Variants in VOPP1 observed in about 807,000 individuals in gnomAD.
VOPP1 encodes the protein WW domain binding protein VOPP1.
In VOPP1, 8 loss-of-function variants were observed where a neutral mutation model predicts 23.5. The observed-to-expected ratio is 0.34, with a 90% CI of 0.20 to 0.61. The LOEUF is 0.61. VOPP1 is among the 20% of genes least tolerant of loss of function. The probability of loss-of-function intolerance (pLI) is 0.78; values close to 1 mark genes in which losing one functional copy is unlikely to be tolerated. For missense variants in VOPP1, 174 were observed against 238.1 expected (o/e 0.73, Z 1.77); for synonymous variants, 83 against 97.3 (o/e 0.85, Z 0.86).
At chr7:55,523,119 C>T (rs961452570) in intron 1 of VOPP1, among the ~76,000 whole-genome samples, 2 of 152,168 alleles carry the variant, frequency 1.3e-5, no homozygotes, top group Non-Finnish European at 2.9e-5. Context: ...CTTCTGGACT[C>T]ACGAGAGCTC....
chr7:55,552,722 G>C (rs1797661138), intron 1 of VOPP1: 1 of 1,535,410 alleles, frequency 6.5e-7, no homozygotes, highest in Non-Finnish European at 8.7e-7. Flanking sequence ...GAAGGCAGGA[G>C]TCTGGTCGCC....
At chr7:55,516,932 ATTTTTTTTTTTTTT>A (rs71031862) in intron 2 of VOPP1, among the ~76,000 whole-genome samples, 1,779 of 44,280 alleles carry the variant, frequency 0.04, 12 homozygotes, top group Non-Finnish European at 0.052. Context: ...ATATATATAT[ATTTTTTTTTTTTTT>A]TTTTTTTTTT....
chr7:55,565,091 A>C (rs1482211092), intron 1 of VOPP1, among the ~76,000 whole-genome samples: 1 of 152,134 alleles, frequency 6.6e-6, no homozygotes, highest in Non-Finnish European at 1.5e-5. Flanking sequence ...AATTTTATAT[A>C]TATATGTATT....
chr7:55,502,198 A>G (rs1454451134), intron 2 of VOPP1, among the ~76,000 whole-genome samples: 2 of 152,240 alleles, frequency 1.3e-5, no homozygotes, highest in Non-Finnish European at 2.9e-5. Context: ...ACATATGTAG[A>G]GCCCTCGTCC....
At chr7:55,468,718 G>A (rs917777888), downstream of VOPP1, among the ~76,000 whole-genome samples, 1 of 152,250 alleles carries the variant, frequency 6.6e-6, no homozygotes, top group South Asian at 2.1e-4. Flanking sequence ...GACCCCACAG[G>A]AGTGGCTGTC....
chr7:55,504,677 G>C (rs1353767762), intron 2 of VOPP1, among the ~76,000 whole-genome samples: 2 of 152,226 alleles, frequency 1.3e-5, no homozygotes, highest in African/African-American at 4.8e-5. Context: ...TCCAAGGCAG[G>C]CCCCACTAGG....
At chr7:55,474,427 T>G (rs949087811) in intron 4 of VOPP1, among the ~76,000 whole-genome samples, 1 of 152,192 alleles carries the variant, frequency 6.6e-6, no homozygotes, top group Non-Finnish European at 1.5e-5. Flanking sequence ...TTATGAAGGC[T>G]TCTGAATATT....
intron 3 of VOPP1, among the ~76,000 whole-genome samples, chr7:55,493,668 T>C (rs1217585996): frequency 6.6e-6 from 1 of 152,082 alleles, no homozygotes; most frequent in African/African-American, 2.4e-5. Flanking sequence ...ACCATACTGA[T>C]CACAGCAATG....
Position 55,497,565 on chromosome 7 carries a change from G to C in VOPP1, c.191+48C>G, listed in dbSNP as rs59713326. The C allele has an allele frequency of 1.7e-4, 246 of 1,420,920 alleles. 9 individuals are homozygous for C. Among genetic ancestry groups the C allele is most frequent in the Admixed American group, 2.1e-4 (11 of 52,966 alleles). The allele number at this position is 1,420,920 out of a possible 1,614,324, so 88.0% of individuals were successfully genotyped here. On this transcript the variant is annotated intron_variant, in intron 3 of 4. Transcript: ENST00000285279. ...TGTGACAACACTGATGGGGGGGGGG[G>C]GGGGGCAGAGCTCTCGGGGTAGGGA...
intron 1 of VOPP1, among the ~76,000 whole-genome samples, chr7:55,568,128 G>A (rs1174366949): frequency 1.5e-5 from 2 of 132,468 alleles, no homozygotes; most frequent in Non-Finnish European, 1.5e-5. Context: ...TGCTCAGGCT[G>A]GAGTGCAGTG....
Position 55,549,405 on chromosome 7 carries a change from AC to A in VOPP1, c.54+22865del, listed in dbSNP as rs564659614. Among the ~76,000 whole-genome samples the A allele has an allele frequency of 4.1e-3, 621 of 152,090 alleles. 5 individuals carry two copies. The highest frequency in any genetic ancestry group is 0.014 in the Middle Eastern group (4 of 294). On this transcript the variant is annotated intron_variant, in intron 1 of 4. Coordinates refer to ENST00000285279, the MANE Select transcript of VOPP1 (RefSeq NM_030796.5). The stretch of plus-strand genomic sequence containing the variant: ...GGCCCATGGCTTAATTTCTCCTAAG[AC>A]CCCCAAATCCGTAGCCAGTCTGGAG...
At chr7:55,537,423 T>C (rs748283717) in intron 1 of VOPP1, 22 of 1,525,876 alleles carry the variant, frequency 1.4e-5, no homozygotes, top group Admixed American at 2.0e-5. Context: ...CTGCCCACCA[T>C]GCTCTTCTTT....
At position 55,526,882 on chromosome 7, in the gene VOPP1, G is replaced by A. The variant is rs902802317; in HGVS notation, c.55-5752C>T. 3 of 152,242 alleles carry A rather than the reference G, an allele frequency of 2.0e-5. No individual in the cohort carries two copies. In the East Asian group the frequency reaches 5.8e-4, roughly 29 times the overall value. 9.4% of individuals were successfully genotyped at this position (152,242 alleles called of 1,614,324 possible). On this transcript the variant is annotated intron_variant, in intron 1 of 4. Transcript: ENST00000285279. ...CAAGGACTCCATCTTTTTCAAAAGG[G>A]AGGGGCCCCCTGCTGTGCCTCACAC...
intron 1 of VOPP1, among the ~76,000 whole-genome samples, chr7:55,567,662 C>T (rs1194143309): frequency 6.6e-6 from 1 of 152,236 alleles, no homozygotes; most frequent in Non-Finnish European, 1.5e-5. Context: ...ACACCTGGAC[C>T]CAGGCTTTCC....
At chr7:55,468,012 G>T (rs1050671674), downstream of VOPP1, among the ~76,000 whole-genome samples, 1 of 152,182 alleles carries the variant, frequency 6.6e-6, no homozygotes, top group African/African-American at 2.4e-5. Flanking sequence ...AGTGGCTCAC[G>T]CCTGTAATCC....
At chr7:55,479,575 T>C (rs1307938067) in intron 4 of VOPP1, among the ~76,000 whole-genome samples, 1 of 152,238 alleles carries the variant, frequency 6.6e-6, no homozygotes, top group African/African-American at 2.4e-5. Flanking sequence ...ATAGTTTTGT[T>C]TCTCCTTCCT....
intron 1 of VOPP1, among the ~76,000 whole-genome samples, chr7:55,536,882 T>C (rs1258676627): frequency 6.6e-6 from 1 of 152,086 alleles, no homozygotes; most frequent in Non-Finnish European, 1.5e-5. Context: ...TCAATGTAAG[T>C]GCCCACAAAT....
At chr7:55,567,729 C>CTT (rs1470753963) in intron 1 of VOPP1, among the ~76,000 whole-genome samples, 2 of 152,222 alleles carry the variant, frequency 1.3e-5, no homozygotes, top group Admixed American at 1.3e-4. Flanking sequence ...ACTTCTCACC[C>CTT]ATGACCACCT....
chr7:55,471,449 C>T lies in VOPP1; in HGVS notation c.*1406G>A, dbSNP rs1791812416. On this transcript the variant is annotated 3_prime_UTR_variant, in exon 5 of 5. Coordinates refer to ENST00000285279, the MANE Select transcript of VOPP1 (RefSeq NM_030796.5). ...CTTGATGCTCCAGTTCAATGAGTAACAATTTCTCAAGAGGCTCTGATTAGT... is the reference window on the plus strand; with the variant it reads ...CTTGATGCTCCAGTTCAATGAGTAATAATTTCTCAAGAGGCTCTGATTAGT... 1 of 152,294 alleles carries T rather than the reference C, an allele frequency of 6.6e-6. No homozygotes were observed. The highest frequency in any genetic ancestry group is 1.5e-5 in the Non-Finnish European group (1 of 68,060). 9.4% of individuals were successfully genotyped at this position (152,294 alleles called of 1,614,324 possible). A position where few individuals can be genotyped will look rare whatever the true frequency, so the allele number is the denominator to read the frequency against.
Sources: allele counts gnomAD v4.1 joint callset (sites outside exome capture counted in the v4.1 genomes callset), GRCh38; gene constraint gnomAD v4.1.1; transcripts MANE v1.5; gene names NCBI Gene and HGNC (gene_info 2026-07-23, HGNC 2026-07-21).